Variants in GNA14 observed in about 807,000 individuals in gnomAD.
GNA14 encodes the protein G protein subunit alpha 14.
GNA14 carries 50 observed loss-of-function variants against 42.0 expected under a neutral mutation model. That is an observed-to-expected ratio of 1.19 (90% CI 0.95 to 1.51). The LOEUF is 1.51. Among genes scored for constraint, GNA14 ranks in the 40% most tolerant of loss-of-function variants. GNA14 has a pLI of 0.00. For missense variants in GNA14, 473 were observed against 446.2 expected (o/e 1.06, Z -0.54); for synonymous variants, 173 against 163.1 (o/e 1.06, Z -0.46).
intron 2 of GNA14, among the ~76,000 whole-genome samples, chr9:77,504,018 G>A (rs1438014880): frequency 6.6e-6 from 1 of 152,082 alleles, no homozygotes; most frequent in Non-Finnish European, 1.5e-5. Context: ...GCAACAGATG[G>A]AATGTGTTTA....
At chr9:77,595,513 T>C (rs1461891873) in intron 1 of GNA14, among the ~76,000 whole-genome samples, 1 of 152,184 alleles carries the variant, frequency 6.6e-6, no homozygotes, top group Non-Finnish European at 1.5e-5. Flanking sequence ...CTCTGAGCCC[T>C]TCCCACAGAG....
chr9:77,458,909 G>GGT (rs71973555), intron 2 of GNA14, among the ~76,000 whole-genome samples: 7 of 151,098 alleles, frequency 4.6e-5, no homozygotes, highest in Admixed American at 2.0e-4. Flanking sequence ...GCTGGAGGGG[G>GGT]GGGGGTTGTC....
chr9:77,615,284 G>C (rs929652729), intron 1 of GNA14, among the ~76,000 whole-genome samples: 5 of 151,926 alleles, frequency 3.3e-5, no homozygotes, highest in African/African-American at 1.2e-4. Context: ...CCAAATTGGG[G>C]TTTCAGGAGA....
chr9:77,503,557 G>A (rs1332878752), intron 2 of GNA14, among the ~76,000 whole-genome samples: 1 of 152,006 alleles, frequency 6.6e-6, no homozygotes, highest in Admixed American at 6.6e-5. Flanking sequence ...ATGAATGTGA[G>A]CCCTGTGCTT....
intron 2 of GNA14, among the ~76,000 whole-genome samples, chr9:77,483,174 T>C (rs1836590059): frequency 6.6e-6 from 1 of 152,154 alleles, no homozygotes; most frequent in African/African-American, 2.4e-5. Context: ...TTTTTCCCCA[T>C]CTTTGTGGTT....
chr9:77,626,009 C>T (rs538151964), intron 1 of GNA14, among the ~76,000 whole-genome samples: 2 of 150,208 alleles, frequency 1.3e-5, no homozygotes, highest in African/African-American at 4.9e-5. Context: ...TGCAAAGACA[C>T]ACATAGGCTC....
At chr9:77,491,731 C>CTACT (rs1462976449) in intron 2 of GNA14, among the ~76,000 whole-genome samples, 2 of 152,222 alleles carry the variant, frequency 1.3e-5, no homozygotes, top group East Asian at 3.9e-4. Context: ...CTTCAACATC[C>CTACT]CACTCTCAGT....
intron 2 of GNA14, among the ~76,000 whole-genome samples, chr9:77,498,485 G>A (rs370492970): frequency 6.6e-5 from 10 of 152,004 alleles, no homozygotes; most frequent in East Asian, 1.9e-4. Context: ...GGCCAAGCCC[G>A]TAGGAGCTAC....
intron 3 of GNA14, chr9:77,431,718 C>A (rs1835558356): frequency 9.0e-6 from 3 of 334,852 alleles, no homozygotes; most frequent in Non-Finnish European, 1.6e-5. Flanking sequence ...TAAGCTCTAT[C>A]GCTTCTATTT....
At chr9:77,625,061 A>T (rs956956921) in intron 1 of GNA14, among the ~76,000 whole-genome samples, 1 of 151,960 alleles carries the variant, frequency 6.6e-6, no homozygotes, top group Non-Finnish European at 1.5e-5. Flanking sequence ...GAAGAACATA[A>T]ATGACCTGAT....
intron 2 of GNA14, among the ~76,000 whole-genome samples, chr9:77,474,300 C>A (rs1023132598): frequency 6.6e-6 from 1 of 152,106 alleles, no homozygotes; most frequent in Non-Finnish European, 1.5e-5. Flanking sequence ...GCTTACAACT[C>A]AGTAAGAAAA....
At chr9:77,617,252 A>C (rs2117960795) in intron 1 of GNA14, among the ~76,000 whole-genome samples, 1 of 152,224 alleles carries the variant, frequency 6.6e-6, no homozygotes, top group Admixed American at 6.5e-5. Flanking sequence ...TAAAAACAGA[A>C]CTGTTTGTTG....
chr9:77,637,001 G>A (rs1371310359), intron 1 of GNA14, among the ~76,000 whole-genome samples: 1 of 152,204 alleles, frequency 6.6e-6, no homozygotes, highest in African/African-American at 2.4e-5. Context: ...GATCATTGCA[G>A]TTTTTAGGAG....
At chr9:77,593,598 C>T (rs1176740711) in intron 1 of GNA14, among the ~76,000 whole-genome samples, 1 of 152,208 alleles carries the variant, frequency 6.6e-6, no homozygotes, top group Non-Finnish European at 1.5e-5. Context: ...GTGTGAGCCA[C>T]CGCCCCTGAC....
At chr9:77,634,585 A>C (rs1200007732) in intron 1 of GNA14, among the ~76,000 whole-genome samples, 1 of 152,092 alleles carries the variant, frequency 6.6e-6, no homozygotes, top group Non-Finnish European at 1.5e-5. Flanking sequence ...ATCTCATCTT[A>C]TTCCTGGAAT....
rs1392936150 is a variant in GNA14, at chr9:77,648,021, C to A, written c.-228G>T. The A allele has an allele frequency of 3.5e-5, 19 of 543,382 alleles. No individual in the cohort carries two copies. Among genetic ancestry groups the A allele is most frequent in the Non-Finnish European group, 4.1e-5 (13 of 313,532 alleles). The allele number at this position is 543,382 out of a possible 1,614,324, so 33.7% of individuals were successfully genotyped here. A position where few individuals can be genotyped will look rare whatever the true frequency, so the allele number is the denominator to read the frequency against. On this transcript the variant is annotated 5_prime_UTR_variant, in exon 1 of 7. Transcript: ENST00000341700. Reference sequence around the variant, plus strand: ...CGAGCGCTGGGAACGCTCGAGTGCACCCCGGATCCGGGCTCAGCCCGCCCC... The same window carrying A: ...CGAGCGCTGGGAACGCTCGAGTGCAACCCGGATCCGGGCTCAGCCCGCCCC...
intron 2 of GNA14, among the ~76,000 whole-genome samples, chr9:77,466,422 G>C (rs1266856824): frequency 6.6e-6 from 1 of 152,062 alleles, no homozygotes; most frequent in South Asian, 2.1e-4. Flanking sequence ...TAAGTTCAGG[G>C]TTGTACACTT....
intron 1 of GNA14, among the ~76,000 whole-genome samples, chr9:77,611,005 G>C (rs1295142040): frequency 1.3e-5 from 2 of 152,166 alleles, no homozygotes; most frequent in African/African-American, 2.4e-5. Context: ...TAGGAAAGGA[G>C]GAGGGGTAGA....
chr9:77,517,703 G>A (rs536620928), intron 2 of GNA14, among the ~76,000 whole-genome samples: 2 of 136,806 alleles, frequency 1.5e-5, no homozygotes, highest in Admixed American at 1.6e-4. Flanking sequence ...ACATCCCCAG[G>A]CTCAGGTGAT....
Sources: gnomAD v4.1 joint callset for allele counts (sites outside exome capture counted in the v4.1 genomes callset) on GRCh38, gnomAD v4.1.1 for gene constraint, MANE v1.5 for transcripts, NCBI Gene and HGNC (gene_info 2026-07-23, HGNC 2026-07-21) for gene names.